Variants in USP33 observed in about 807,000 individuals in gnomAD.
The protein encoded by USP33 is ubiquitin specific peptidase 33.
Under a neutral mutation model 124.2 loss-of-function variants are expected in USP33, and 46 were observed. That is an observed-to-expected ratio of 0.37 (90% CI 0.29 to 0.47). The LOEUF (loss-of-function observed/expected upper bound fraction) is 0.47, where lower values mean the gene tolerates loss of function less well. USP33 is among the 20% of genes least tolerant of loss of function. USP33 has a pLI of 0.99. For missense variants in USP33, 851 were observed against 1,070.6 expected (o/e 0.79, Z 2.86); for synonymous variants, 350 against 352.3 (o/e 0.99, Z 0.07).
chr1:77,725,972 C>T (rs1283873844), intron 10 of USP33, among the ~76,000 whole-genome samples: 1 of 152,136 alleles, frequency 6.6e-6, no homozygotes, highest in Non-Finnish European at 1.5e-5. Context: ...TTTTTTGAGA[C>T]AGAGTCTCCC....
At chr1:77,753,566 T>A (rs1170291167) in intron 1 of USP33, among the ~76,000 whole-genome samples, 2 of 152,108 alleles carry the variant, frequency 1.3e-5, no homozygotes, top group Non-Finnish European at 1.5e-5. Flanking sequence ...TACTAAAAGC[T>A]ACAGAATAAG....
At chr1:77,713,510 G>T in intron 19 of USP33, 1 of 382,368 alleles carries the variant, frequency 2.6e-6, no homozygotes, top group Admixed American at 4.8e-5. Context: ...CCAGCGTCCT[G>T]AGTAGCTGGG....
At chr1:77,738,770 G>A (rs915776172) in intron 5 of USP33, among the ~76,000 whole-genome samples, 5 of 152,122 alleles carry the variant, frequency 3.3e-5, no homozygotes, top group South Asian at 2.1e-4. Flanking sequence ...GTGAGCCACC[G>A]CACCCAGCCC....
chr1:77,738,768 C>T (rs1678779212), intron 5 of USP33, among the ~76,000 whole-genome samples: 1 of 152,182 alleles, frequency 6.6e-6, no homozygotes, highest in Admixed American at 6.5e-5. Flanking sequence ...GCGTGAGCCA[C>T]CGCACCCAGC....
chr1:77,731,325 A>G (rs17100944), intron 7 of USP33, among the ~76,000 whole-genome samples: 5,672 of 152,288 alleles, frequency 0.037, 169 homozygotes, highest in East Asian at 0.15. Flanking sequence ...TCTACATTCC[A>G]TCATTTGGTA....
intron 1 of USP33, chr1:77,745,583 T>C (rs901586230): frequency 6.6e-6 from 1 of 152,200 alleles, no homozygotes; most frequent in Non-Finnish European, 1.5e-5. Context: ...CCATGTTTAG[T>C]GCTTCCTTCA....
rs1673441486 is a variant in USP33 at position 77,696,348 on chromosome 1, T to C, written c.*969A>G. 1.3e-5 allele frequency: 2 copies of C among 152,654 alleles called. No individual in the cohort carries two copies. The highest frequency in any genetic ancestry group is 2.9e-5 in the Non-Finnish European group (2 of 68,042). 9.5% of individuals were successfully genotyped at this position (152,654 alleles called of 1,614,324 possible). Reference sequence around the variant, plus strand: ...TCACTGACATTAATACTAACCAGGTTACAGGAATTGAAGTTTAACATTGTA... The same window carrying C: ...TCACTGACATTAATACTAACCAGGTCACAGGAATTGAAGTTTAACATTGTA... On this transcript the variant is annotated 3_prime_UTR_variant, in exon 24 of 24. Coordinates refer to ENST00000370794, the MANE Select transcript of USP33 (RefSeq NM_201624.3).
chr1:77,734,420 T>A lies in USP33; in HGVS notation c.455-4A>T. ...ATATTTTTCAAACCTGTAAGACCTA[T>A]TAAGAAAAAATATACATGAAGTCAT... On this transcript the variant is annotated splice_polypyrimidine_tract_variant and splice_region_variant and intron_variant, in intron 6 of 23. Transcript: ENST00000370794. 1 of 1,569,566 alleles carries A rather than the reference T, an allele frequency of 6.4e-7. No homozygotes were observed. The highest frequency in any genetic ancestry group is 1.9e-5 in the Admixed American group (1 of 52,598).
chr1:77,732,789 CTTTTTTTTTTTT>C (rs939934675), intron 7 of USP33, among the ~76,000 whole-genome samples: 1 of 104,898 alleles, frequency 9.5e-6, no homozygotes, highest in Admixed American at 1.0e-4. Flanking sequence ...AATGTCTCTT[CTTTTTTTTTTTT>C]TTTTTTTTTT....
intron 21 of USP33, among the ~76,000 whole-genome samples, chr1:77,702,936 AGTGT>A (rs1428861897): frequency 6.6e-6 from 1 of 152,024 alleles, no homozygotes; most frequent in Non-Finnish European, 1.5e-5. Context: ...AGTGTGTAGT[AGTGT>A]GTAAGTAATT....
Position 77,722,068 on chromosome 1 carries a change from A to G in USP33, c.1518T>C (p.Tyr506=), listed in dbSNP as rs975819402. Residue 506 remains tyrosine, a synonymous_variant, in exon 13 of 24, where the codon TAT becomes TAC. Coordinates refer to ENST00000370794, the MANE Select transcript of USP33 (RefSeq NM_201624.3). The stretch of plus-strand genomic sequence containing the variant: ...AAAAAGCTATCCACCCTTGTGGAGC[A>G]TATGCTTCGCCACATGATCCTGCTT... ...IVKAGSCGEA[Y]APQGWIAFFM... 7 of 1,614,110 alleles carry G rather than the reference A, an allele frequency of 4.3e-6. No homozygotes were observed. Among genetic ancestry groups the G allele is most frequent in the Non-Finnish European group, 5.9e-6 (7 of 1,179,956 alleles).
intron 17 of USP33, 90 bp from the exon 18 acceptor site, chr1:77,715,958 A>G: frequency 7.6e-7 from 1 of 1,309,400 alleles, no homozygotes; most frequent in Admixed American, 2.7e-5. Context: ...TGCCTAGCAC[A>G]GTAGCTGGAA....
chr1:77,759,298 T>TCA, intron 1 of USP33: 1 of 301,062 alleles, frequency 3.3e-6, no homozygotes, highest in Non-Finnish European at 6.0e-6. Flanking sequence ...CTGGCAAGCC[T>TCA]GAGTGGGGAG....
intron 19 of USP33, chr1:77,713,536 C>A: frequency 8.1e-5 from 21 of 260,298 alleles, no homozygotes; most frequent in East Asian, 1.8e-4. Context: ...AGGCATGCTT[C>A]AACACACCCA....
At chr1:77,759,014 C>G (rs749845914) in intron 1 of USP33, among the ~76,000 whole-genome samples, 1 of 152,136 alleles carries the variant, frequency 6.6e-6, no homozygotes, top group Non-Finnish European at 1.5e-5. Flanking sequence ...AAATGAAGAG[C>G]GTTTTGTATA....
chr1:77,745,939 A>G (rs1260596782), intron 1 of USP33, among the ~76,000 whole-genome samples: 1 of 152,210 alleles, frequency 6.6e-6, no homozygotes, highest in African/African-American at 2.4e-5. Flanking sequence ...GGAAAGATCT[A>G]AAATCGACAC....
intron 1 of USP33, among the ~76,000 whole-genome samples, chr1:77,753,018 G>A (rs1057178710): frequency 1.3e-5 from 2 of 152,100 alleles, no homozygotes; most frequent in African/African-American, 4.8e-5. Flanking sequence ...AGAGGAGGTC[G>A]AAGTGAGCCA....
rs144899790 is a variant in USP33, at chr1:77,714,760, T to C, written c.2069A>G (p.Lys690Arg). 997 of 1,612,108 alleles carry C rather than the reference T, an allele frequency of 6.2e-4. 2 individuals carry two copies. Among genetic ancestry groups the C allele is most frequent in the Non-Finnish European group, 8.0e-4 (946 of 1,179,922 alleles). ...TAAATTTGATATCCTTCTCCTCTCT[T>C]TTTGTGCCTCTTCGCTGCTCTTCCT... ...FYRKSSEEAQ[K>R]ERRRISNLLN... The change falls in exon 19 of 24, where the codon AAA becomes AGA. Residue 690 changes from lysine (K) to arginine (R), a missense_variant. This residue lies in a region of USP33 where 281 missense variants were observed against 425.0 expected (regional missense o/e 0.66). Coordinates refer to ENST00000370794, the MANE Select transcript of USP33 (RefSeq NM_201624.3).
intron 15 of USP33, among the ~76,000 whole-genome samples, chr1:77,719,216 G>A (rs1275888496): frequency 3.3e-5 from 5 of 150,860 alleles, no homozygotes; most frequent in African/African-American, 9.7e-5. Context: ...AAAATTAGCC[G>A]GGCATGGTGG....
Sources: allele counts gnomAD v4.1 joint callset (sites outside exome capture counted in the v4.1 genomes callset), GRCh38; gene constraint gnomAD v4.1.1; regional missense constraint gnomAD v4.1.1; transcripts MANE v1.5; gene names NCBI Gene and HGNC (gene_info 2026-07-23, HGNC 2026-07-21).